Variants in VWA8 observed in about 807,000 individuals in gnomAD.
VWA8 encodes von Willebrand factor A domain containing 8, also known as von Willebrand factor A domain-containing protein 8.
A neutral mutation model predicts 241.5 loss-of-function variants in VWA8; 221 were observed. That is an observed-to-expected ratio of 0.91 (90% CI 0.82 to 1.02). The LOEUF is 1.02. Ranked by LOEUF, VWA8 falls within the 50% of genes least tolerant of loss-of-function variation. The pLI, the probability that VWA8 is intolerant of heterozygous loss-of-function variation, is 0.00. For synonymous variants in VWA8, 852 were observed against 827.1 expected (o/e 1.03, Z -0.52); for missense variants, 2,322 against 2,328.7 (o/e 1.00, Z 0.06).
At chr13:41,863,455 T>TATATATATATTCACACA (rs1566485517) in intron 12 of VWA8, among the ~76,000 whole-genome samples, 3 of 87,156 alleles carry the variant, frequency 3.4e-5, no homozygotes, top group African/African-American at 1.3e-4. Context: ...ATATATATAT[T>TATATATATATTCACACA]CACACACACA....
intron 2 of VWA8, chr13:41,927,189 G>T: frequency 2.2e-6 from 1 of 458,474 alleles, no homozygotes; most frequent in Non-Finnish European, 4.4e-6. Flanking sequence ...GTACTGCCCT[G>T]GAATACGTAC....
At chr13:41,584,949 A>G (rs2044407000) in intron 42 of VWA8, among the ~76,000 whole-genome samples, 2 of 152,138 alleles carry the variant, frequency 1.3e-5, no homozygotes, top group Non-Finnish European at 2.9e-5. Context: ...AGTTTTCATC[A>G]TCTCCCTCAC....
chr13:41,758,414 A>ACGCTAG (rs2045713014), intron 21 of VWA8, among the ~76,000 whole-genome samples: 4 of 77,486 alleles, frequency 5.2e-5, no homozygotes, highest in African/African-American at 1.9e-4. Context: ...ATATATATAT[A>ACGCTAG]TATATATATA....
intron 22 of VWA8, among the ~76,000 whole-genome samples, chr13:41,731,713 G>A (rs2045485019): frequency 1.3e-5 from 2 of 152,132 alleles, no homozygotes; most frequent in Admixed American, 6.6e-5. Context: ...GGAGGGACCC[G>A]GTGGGAGATA....
chr13:41,816,559 T>C (rs1455191167), intron 16 of VWA8, 139 bp downstream of exon 16: 19 of 710,862 alleles, frequency 2.7e-5, no homozygotes, highest in South Asian at 8.1e-5. Context: ...ACCATATGCA[T>C]AGAACAAAGG....
At chr13:41,764,919 G>A (rs139833812) in intron 20 of VWA8, among the ~76,000 whole-genome samples, 39 of 152,200 alleles carry the variant, frequency 2.6e-4, no homozygotes, top group African/African-American at 8.2e-4. Context: ...GTACGGTGGA[G>A]TCTGGTAGAG....
chr13:41,747,122 C>T lies in VWA8; in HGVS notation c.2426+14006G>A, dbSNP rs540756011. Among the ~76,000 whole-genome samples, 15 of 152,242 alleles carry T rather than the reference C, an allele frequency of 9.9e-5. 1 individual carries two copies. The South Asian group carries it at 1.7e-3, about 17-fold the overall frequency. ...ATATGAACTTTAAAGCAGTTTTTTC[C>T]AGTTCTGTGAAGAAAGTCATTGGTA... On this transcript the variant is annotated intron_variant, in intron 21 of 44. Transcript: ENST00000379310.
chr13:41,609,468 A>C (rs1475097990), intron 39 of VWA8, among the ~76,000 whole-genome samples: 1 of 152,206 alleles, frequency 6.6e-6, no homozygotes, highest in Non-Finnish European at 1.5e-5. Flanking sequence ...TAGCTTCAAA[A>C]CAAGCCAGCA....
intron 13 of VWA8, among the ~76,000 whole-genome samples, chr13:41,833,057 T>TATA (rs1871540327): frequency 6.6e-6 from 1 of 152,180 alleles, no homozygotes; most frequent in Non-Finnish European, 1.5e-5. Flanking sequence ...TTCAGCAATG[T>TATA]GACATGCTGC....
At chr13:41,711,912 T>C (rs1012901736) in intron 26 of VWA8, among the ~76,000 whole-genome samples, 6 of 151,630 alleles carry the variant, frequency 4.0e-5, no homozygotes, top group Non-Finnish European at 8.8e-5. Flanking sequence ...AATTGTTCTA[T>C]TCATTTTGAA....
chr13:41,826,165 T>C (rs949892244), intron 14 of VWA8, among the ~76,000 whole-genome samples: 1 of 152,192 alleles, frequency 6.6e-6, no homozygotes, highest in Non-Finnish European at 1.5e-5. Flanking sequence ...CAACAATCCA[T>C]ACTATCAGAG....
chr13:41,755,375 C>T (rs2045687323), intron 21 of VWA8, among the ~76,000 whole-genome samples: 1 of 151,828 alleles, frequency 6.6e-6, no homozygotes, highest in South Asian at 2.1e-4. Flanking sequence ...AGTAAATAAC[C>T]AATATTGTTG....
rs141433420 is a variant in VWA8, at chr13:41,666,944, A to G, written c.4611+4002T>C. On this transcript the variant is annotated intron_variant, in intron 37 of 44. Transcript: ENST00000379310. The stretch of plus-strand genomic sequence containing the variant: ...AAGATTCCCAAAGACACATGTACAT[A>G]TAACAATCCTACAAAATATGGATTG... 2.7e-3 allele frequency among the ~76,000 whole-genome samples: 416 copies of G among 152,306 alleles called. 6 individuals are homozygous for G. Among genetic ancestry groups the G allele is most frequent in the Admixed American group, 0.024 (372 of 15,294 alleles).
intron 37 of VWA8, among the ~76,000 whole-genome samples, chr13:41,667,011 G>C (rs2044991030): frequency 6.6e-6 from 1 of 152,126 alleles, no homozygotes; most frequent in Admixed American, 6.6e-5. Flanking sequence ...TTTTTTCAGA[G>C]TTATTGATCA....
chr13:41,820,713 T>G (rs1437177432), intron 14 of VWA8, among the ~76,000 whole-genome samples: 1 of 152,160 alleles, frequency 6.6e-6, no homozygotes, highest in Non-Finnish European at 1.5e-5. Context: ...TGCCTGAAAG[T>G]CCAGAGGATA....
intron 41 of VWA8, among the ~76,000 whole-genome samples, chr13:41,589,673 C>T (rs2044441995): frequency 6.6e-6 from 1 of 152,184 alleles, no homozygotes; most frequent in African/African-American, 2.4e-5. Context: ...AACCATTACT[C>T]TGGGCCCTTC....
At chr13:41,617,633 TC>T (rs1285682401) in intron 37 of VWA8, among the ~76,000 whole-genome samples, 1 of 151,944 alleles carries the variant, frequency 6.6e-6, no homozygotes, top group African/African-American at 2.4e-5. Flanking sequence ...ATACTATCCC[TC>T]CCCCAGCCCC....
At chr13:41,803,445 T>C (rs1011207637) in intron 17 of VWA8, among the ~76,000 whole-genome samples, 1 of 152,186 alleles carries the variant, frequency 6.6e-6, no homozygotes, top group African/African-American at 2.4e-5. Flanking sequence ...AGAGGTTTAA[T>C]GGACTCACAG....
intron 40 of VWA8, among the ~76,000 whole-genome samples, chr13:41,598,487 T>C (rs769266738): frequency 1.4e-4 from 21 of 152,130 alleles, no homozygotes; most frequent in Non-Finnish European, 2.9e-4. Context: ...CTAATGCTCA[T>C]TGCTGGTCCT....
Sources: allele counts gnomAD v4.1 joint callset (sites outside exome capture counted in the v4.1 genomes callset), GRCh38; gene constraint gnomAD v4.1.1; transcripts MANE v1.5; gene names NCBI Gene and HGNC (gene_info 2026-07-23, HGNC 2026-07-21).